The following TMTC2 variants were observed in gnomAD, a reference collection of about 807,000 sequenced individuals.
The protein encoded by TMTC2 is protein O-mannosyl-transferase TMTC2.
In TMTC2, 43 loss-of-function variants were observed where a neutral mutation model predicts 82.4. The ratio of observed to expected loss-of-function variants is 0.52; its 90% confidence interval spans 0.41 to 0.67. The LOEUF (loss-of-function observed/expected upper bound fraction) is 0.67, where lower values mean the gene tolerates loss of function less well. Among genes scored for constraint, TMTC2 ranks in the 30% least tolerant of loss-of-function variants. The probability of loss-of-function intolerance (pLI) is 0.00; values close to 1 mark genes in which losing one functional copy is unlikely to be tolerated. For missense variants in TMTC2, 919 were observed against 1,012.4 expected (o/e 0.91, Z 1.25); for synonymous variants, 408 against 381.9 (o/e 1.07, Z -0.80).
chr12:82,699,526 C>T (rs181610459), intron 1 of TMTC2, among the ~76,000 whole-genome samples: 2 of 152,106 alleles, frequency 1.3e-5, no homozygotes, highest in Non-Finnish European at 2.9e-5. Flanking sequence ...GGAATACGCT[C>T]ATATTCAGAG....
intron 8 of TMTC2, among the ~76,000 whole-genome samples, chr12:82,988,572 C>T (rs1879268844): frequency 6.6e-6 from 1 of 151,788 alleles, no homozygotes. Flanking sequence ...CAGTTGAAGG[C>T]AGAATGAGGA....
intron 11 of TMTC2, among the ~76,000 whole-genome samples, chr12:83,123,455 A>G (rs1162165002): frequency 1.3e-5 from 2 of 152,196 alleles, no homozygotes; most frequent in Non-Finnish European, 2.9e-5. Flanking sequence ...TGATTTATTC[A>G]AAATATGACT....
intron 4 of TMTC2, among the ~76,000 whole-genome samples, chr12:82,944,368 A>C (rs1315086570): frequency 1.3e-5 from 2 of 152,078 alleles, no homozygotes; most frequent in Admixed American, 1.3e-4. Flanking sequence ...GCGGACCACG[A>C]GGTCAGGAGA....
intron 7 of TMTC2, among the ~76,000 whole-genome samples, chr12:82,970,789 T>C (rs989720131): frequency 6.6e-6 from 1 of 152,202 alleles, no homozygotes; most frequent in African/African-American, 2.4e-5. Context: ...AGTTCTATCC[T>C]ATTTGGAATT....
At chr12:82,794,362 GA>G (rs1878616239) in intron 1 of TMTC2, among the ~76,000 whole-genome samples, 2 of 152,054 alleles carry the variant, frequency 1.3e-5, no homozygotes, top group East Asian at 1.9e-4. Flanking sequence ...AACTCACACA[GA>G]AAAAAAGGGC....
chr12:83,017,124 A>G (rs1880712501), intron 8 of TMTC2, among the ~76,000 whole-genome samples: 2 of 152,108 alleles, frequency 1.3e-5, no homozygotes, highest in South Asian at 4.1e-4. Flanking sequence ...TATCTTTGTT[A>G]ATGCTCTCTT....
intron 1 of TMTC2, among the ~76,000 whole-genome samples, chr12:82,771,569 A>T (rs948185419): frequency 1.3e-5 from 2 of 152,148 alleles, no homozygotes; most frequent in African/African-American, 4.8e-5. Flanking sequence ...CTTTCAAACC[A>T]GTCCTTAATT....
intron 1 of TMTC2, among the ~76,000 whole-genome samples, chr12:82,785,070 C>T (rs1300897014): frequency 6.6e-6 from 1 of 152,046 alleles, no homozygotes; most frequent in African/African-American, 2.4e-5. Context: ...GTTTTTGCTT[C>T]TCTTAAAGAT....
chr12:82,868,828 C>G (rs1342067874), intron 2 of TMTC2, among the ~76,000 whole-genome samples: 2 of 151,524 alleles, frequency 1.3e-5, no homozygotes, highest in Non-Finnish European at 2.9e-5. Flanking sequence ...TTCAGGGAAA[C>G]GTTGAGTCTG....
intron 8 of TMTC2, among the ~76,000 whole-genome samples, chr12:83,019,580 A>T (rs1319958853): frequency 6.6e-6 from 1 of 152,114 alleles, no homozygotes; most frequent in Non-Finnish European, 1.5e-5. Context: ...TCTCAAAACT[A>T]AGCTTATAAT....
intron 1 of TMTC2, among the ~76,000 whole-genome samples, chr12:82,732,366 G>A (rs1229682051): frequency 1.3e-5 from 2 of 151,510 alleles, no homozygotes; most frequent in Non-Finnish European, 2.9e-5. Context: ...TTTATGAGAC[G>A]GATTCTTGTC....
chr12:82,982,137 G>A (rs1878945304), intron 7 of TMTC2, among the ~76,000 whole-genome samples: 1 of 151,628 alleles, frequency 6.6e-6, no homozygotes, highest in Non-Finnish European at 1.5e-5. Context: ...TATTTAAGAT[G>A]TTAGTAGGTA....
chr12:82,805,497 CTTTTTTTTTTT>C (rs753878105), intron 1 of TMTC2, among the ~76,000 whole-genome samples: 23 of 90,562 alleles, frequency 2.5e-4, no homozygotes, highest in Non-Finnish European at 3.9e-4. Flanking sequence ...CCTCTCCCCA[CTTTTTTTTTTT>C]TTTTTTTTTT....
At chr12:82,782,213 G>C (rs529857705) in intron 1 of TMTC2, among the ~76,000 whole-genome samples, 1 of 152,122 alleles carries the variant, frequency 6.6e-6, no homozygotes, top group Admixed American at 6.5e-5. Context: ...TCCTCCCACT[G>C]TGAACACTGG....
At chr12:82,883,226 A>C (rs1184876361) in intron 2 of TMTC2, among the ~76,000 whole-genome samples, 1 of 152,162 alleles carries the variant, frequency 6.6e-6, no homozygotes, top group Non-Finnish European at 1.5e-5. Flanking sequence ...AACAGTAAAT[A>C]ATAATTTGTC....
At chr12:82,845,506 C>T (rs1171759310) in intron 1 of TMTC2, among the ~76,000 whole-genome samples, 1 of 151,650 alleles carries the variant, frequency 6.6e-6, no homozygotes, top group Non-Finnish European at 1.5e-5. Flanking sequence ...CTTACAGTAT[C>T]CCTTCTAGTT....
At chr12:82,994,490 A>T (rs929713541) in intron 8 of TMTC2, among the ~76,000 whole-genome samples, 7 of 152,148 alleles carry the variant, frequency 4.6e-5, no homozygotes, top group African/African-American at 1.7e-4. Context: ...CTGATCTATC[A>T]TCGTCATTTA....
At chr12:82,733,388 C>G (rs1169438469) in intron 1 of TMTC2, among the ~76,000 whole-genome samples, 1 of 152,180 alleles carries the variant, frequency 6.6e-6, no homozygotes, top group Non-Finnish European at 1.5e-5. Flanking sequence ...ACATAACATG[C>G]ACACTAGCTC....
intron 1 of TMTC2, among the ~76,000 whole-genome samples, chr12:82,820,454 G>A (rs905736843): frequency 3.3e-5 from 5 of 150,690 alleles, no homozygotes; most frequent in Non-Finnish European, 7.4e-5. Context: ...CTACTGCAAC[G>A]TCCTCCACCT....
Sources: allele counts gnomAD v4.1 joint callset (sites outside exome capture counted in the v4.1 genomes callset), GRCh38; gene constraint gnomAD v4.1.1; transcripts MANE v1.5; gene names NCBI Gene and HGNC (gene_info 2026-07-23, HGNC 2026-07-21).